Variants in MARCHF2 observed in about 807,000 individuals in gnomAD.
The protein encoded by MARCHF2 is membrane associated ring-CH-type finger 2, also known as E3 ubiquitin-protein ligase MARCHF2.
Under a neutral mutation model 24.0 loss-of-function variants are expected in MARCHF2, and 22 were observed. The observed-to-expected ratio is 0.92, with a 90% CI of 0.66 to 1.31. The LOEUF is 1.31. MARCHF2 is among the 50% of genes most tolerant of loss of function. MARCHF2 has a pLI of 0.00. For missense variants in MARCHF2, 301 were observed against 335.3 expected (o/e 0.90, Z 0.80); for synonymous variants, 154 against 153.0 (o/e 1.01, Z -0.05).
chr19:8,437,612 A>C (rs1358895974), intron 4 of MARCHF2, among the ~76,000 whole-genome samples: 1 of 150,862 alleles, frequency 6.6e-6, no homozygotes, highest in Admixed American at 6.6e-5. Flanking sequence ...TGGCCTCCCA[A>C]AGTGCTGGGA....
rs562445340 is a variant in MARCHF2 at position 8,421,871 on chromosome 19, G to A, written c.31G>A (p.Gly11Ser). The change falls in exon 2 of 5, where the codon GGC becomes AGC. Residue 11 changes from glycine to serine, a missense_variant. Coordinates refer to ENST00000215555, the MANE Select transcript of MARCHF2 (RefSeq NM_001005415.2). The stretch of plus-strand genomic sequence containing the variant: ...GACGGGTGACTGCTGCCACCTCCCC[G>A]GCTCCCTGTGTGACTGCTCCGGCAG... MTTGDCCHLP[G>S]SLCDCSGSPA... The A allele has an allele frequency of 1.6e-5, 26 of 1,612,700 alleles. No individual in the cohort carries two copies. Among genetic ancestry groups the A allele is most frequent in the Middle Eastern group, 1.7e-4 (1 of 6,032 alleles).
intron 1 of MARCHF2, among the ~76,000 whole-genome samples, chr19:8,417,129 A>G (rs1314123233): frequency 6.6e-6 from 1 of 151,726 alleles, no homozygotes; most frequent in Non-Finnish European, 1.5e-5. Flanking sequence ...TAGTTCCTGT[A>G]ATATCCAGTT....
chr19:8,432,717 A>G (rs1967615002), intron 4 of MARCHF2, among the ~76,000 whole-genome samples: 1 of 151,896 alleles, frequency 6.6e-6, no homozygotes, highest in Non-Finnish European at 1.5e-5. Context: ...CTTGAGCCCA[A>G]GAATTTGAGG....
At chr19:8,413,950 T>C (rs531808157) in intron 1 of MARCHF2, among the ~76,000 whole-genome samples, 1 of 152,156 alleles carries the variant, frequency 6.6e-6, no homozygotes, top group Non-Finnish European at 1.5e-5. Flanking sequence ...GCAGTAGAAA[T>C]GTCCCCTGTT....
chr19:8,419,965 T>C (rs1221842406), intron 1 of MARCHF2, among the ~76,000 whole-genome samples: 1 of 149,090 alleles, frequency 6.7e-6, no homozygotes, highest in East Asian at 1.9e-4. Context: ...GAGATCATCC[T>C]GGCTAACATG....
At chr19:8,425,013 T>C (rs1967358456) in intron 2 of MARCHF2, among the ~76,000 whole-genome samples, 3 of 152,212 alleles carry the variant, frequency 2.0e-5, no homozygotes, top group Middle Eastern at 3.4e-3. Context: ...GCACATGTGA[T>C]CCTCCTGCCT....
chr19:8,420,974 T>C (rs78786297), intron 1 of MARCHF2, among the ~76,000 whole-genome samples: 1 of 151,944 alleles, frequency 6.6e-6, no homozygotes, highest in Non-Finnish European at 1.5e-5. Context: ...AATTTTCTCA[T>C]TTTTTATAAA....
intron 1 of MARCHF2, among the ~76,000 whole-genome samples, chr19:8,414,136 CTG>C (rs1731186211): frequency 1.3e-5 from 2 of 152,150 alleles, no homozygotes; most frequent in Non-Finnish European, 2.9e-5. Context: ...TGAGCACTTA[CTG>C]TGTGTGCCAG....
chr19:8,430,658 T>C lies in MARCHF2; in HGVS notation c.373T>C (p.Trp125Arg). 1.2e-6 allele frequency: 2 copies of C among 1,606,574 alleles called. No individual in the cohort carries two copies. Among genetic ancestry groups the C allele is most frequent in the Non-Finnish European group, 1.7e-6 (2 of 1,179,438 alleles). Residue 125 changes from tryptophan (W) to arginine (R), a missense_variant and splice_region_variant, in exon 4 of 5, where the codon TGG becomes CGG. Trp to Arg is a moderately radical substitution (Grantham distance 101). Coordinates refer to ENST00000215555, the MANE Select transcript of MARCHF2 (RefSeq NM_001005415.2). This position sits in a 1 kb window ranked among gnomAD's most constrained non-coding sequence, Gnocchi z 4.4. The part of the protein sequence containing the change: ...VEKRPRPLTE[W>R]LKDPGPRTEK... ...CTGCCCCCTATCCTCTCCCCTGCAG[T>C]GGCTGAAGGACCCGGGGCCGCGGAC...
chr19:8,436,624 T>G (rs773506761), intron 4 of MARCHF2, among the ~76,000 whole-genome samples: 1 of 151,778 alleles, frequency 6.6e-6, no homozygotes, highest in Non-Finnish European at 1.5e-5. Flanking sequence ...TCAGGTTGGT[T>G]TATTTCATTT....
chr19:8,426,028 C>T (rs1358214725), intron 2 of MARCHF2, among the ~76,000 whole-genome samples: 3 of 151,284 alleles, frequency 2.0e-5, no homozygotes, highest in Non-Finnish European at 4.4e-5. Flanking sequence ...GAGATCGAGA[C>T]CATCCTGGCT....
At chr19:8,435,608 C>T (rs1016355190) in intron 4 of MARCHF2, among the ~76,000 whole-genome samples, 15 of 151,750 alleles carry the variant, frequency 9.9e-5, no homozygotes, top group Non-Finnish European at 4.4e-5. Context: ...GTGTGATCTC[C>T]GCTCACTGCA....
intron 1 of MARCHF2, among the ~76,000 whole-genome samples, chr19:8,414,271 C>A (rs1033862746): frequency 1.3e-5 from 2 of 151,626 alleles, no homozygotes; most frequent in African/African-American, 4.9e-5. Context: ...ATTATGACTC[C>A]CCGTCTTTTT....
intron 4 of MARCHF2, among the ~76,000 whole-genome samples, chr19:8,433,461 G>A (rs907948754): frequency 4.6e-5 from 7 of 151,550 alleles, no homozygotes; most frequent in Non-Finnish European, 1.0e-4. Context: ...GGTGGATCAC[G>A]AGGTCAGGAG....
At chr19:8,435,032 T>TG (rs1967677900) in intron 4 of MARCHF2, among the ~76,000 whole-genome samples, 1 of 150,776 alleles carries the variant, frequency 6.6e-6, no homozygotes, top group African/African-American at 2.4e-5. Context: ...TTTTTTTTTT[T>TG]TTTTTGAGAC....
At chr19:8,417,424 A>G (rs1360474578) in intron 1 of MARCHF2, among the ~76,000 whole-genome samples, 8 of 152,124 alleles carry the variant, frequency 5.3e-5, no homozygotes, top group Non-Finnish European at 7.4e-5. Flanking sequence ...AGCCTGGGTA[A>G]CAGAGTGAGA....
chr19:8,427,472 T>G (rs1021371154), intron 3 of MARCHF2, among the ~76,000 whole-genome samples: 1 of 148,580 alleles, frequency 6.7e-6, no homozygotes, highest in South Asian at 2.1e-4. Context: ...TAAAGTCCAG[T>G]AACTTTAATC....
At chr19:8,415,948 A>G (rs886120081) in intron 1 of MARCHF2, among the ~76,000 whole-genome samples, 11 of 151,932 alleles carry the variant, frequency 7.2e-5, no homozygotes, top group Non-Finnish European at 1.6e-4. Flanking sequence ...TCTAGCCTCT[A>G]AATATCTCTG....
Position 8,430,705 on chromosome 19 carries a change from C to A in MARCHF2, c.420C>A (p.Cys140Ter). The A allele has an allele frequency of 6.2e-7, 1 of 1,611,126 alleles. No individual in the cohort carries two copies. The highest frequency in any genetic ancestry group is 8.5e-7 in the Non-Finnish European group (1 of 1,179,940). ...GPRTEKRTLCCDMVCFLFITP... is the reference protein window; with the variant it reads ...GPRTEKRTLC ...GGACGGAGAAGCGGACACTGTGCTG[C>A]GACATGGTGTGTTTCCTGTTCATCA... The change falls in exon 4 of 5, where the codon TGC becomes TGA. Residue 140 changes from cysteine to a stop codon, truncating the protein, a stop_gained. Transcript: ENST00000215555. LOFTEE classifies it high-confidence loss of function. This position sits in a 1 kb window ranked among gnomAD's most constrained non-coding sequence, Gnocchi z 4.4.
Sources: allele counts gnomAD v4.1 joint callset (sites outside exome capture counted in the v4.1 genomes callset), GRCh38; gene constraint gnomAD v4.1.1; non-coding constraint Gnocchi (gnomAD v3.1); transcripts MANE v1.5; gene names NCBI Gene and HGNC (gene_info 2026-07-23, HGNC 2026-07-21).